Variants in NEBL observed in about 807,000 individuals in gnomAD.
NEBL encodes nebulette.
A neutral mutation model predicts 140.2 loss-of-function variants in NEBL; 122 were observed. The observed-to-expected ratio is 0.87, with a 90% CI of 0.75 to 1.01. The LOEUF (loss-of-function observed/expected upper bound fraction) is 1.01. Ranked by LOEUF, NEBL falls within the 50% of genes least tolerant of loss-of-function variation. The probability of loss-of-function intolerance (pLI) is 0.00; values close to 1 mark genes in which losing one functional copy is unlikely to be tolerated. For synonymous variants in NEBL, 436 were observed against 398.9 expected, an observed-to-expected ratio of 1.09 and a Z score of -1.11; for missense variants, 1,365 against 1,231.3, an observed-to-expected ratio of 1.11 and a Z score of -1.62.
chr10:21,193,035 G>A (rs1307318388), intron 3 of NEBL, among the ~76,000 whole-genome samples: 1 of 152,182 alleles, frequency 6.6e-6, no homozygotes, highest in Non-Finnish European at 1.5e-5. Context: ...GCGATAAGAA[G>A]TTTGCTGGGC....
chr10:20,907,633 T>C (rs1328276177), intron 4 of NEBL, among the ~76,000 whole-genome samples: 2 of 152,198 alleles, frequency 1.3e-5, no homozygotes, highest in Admixed American at 6.5e-5. Flanking sequence ...CACCAGGAAG[T>C]ATATGAGATT....
chr10:20,905,012 T>C (rs1848029369), intron 4 of NEBL, among the ~76,000 whole-genome samples: 1 of 152,236 alleles, frequency 6.6e-6, no homozygotes, highest in Non-Finnish European at 1.5e-5. Flanking sequence ...GGAGAAAAGC[T>C]GTTTTTGTCA....
chr10:21,227,343 C>T (rs923715814), intron 3 of NEBL, among the ~76,000 whole-genome samples: 1 of 152,124 alleles, frequency 6.6e-6, no homozygotes, highest in Non-Finnish European at 1.5e-5. Flanking sequence ...TTAGTGTATA[C>T]CATTTATATA....
rs936146412 is a variant in NEBL, at chr10:20,863,223, C to A, written c.685-3397G>T. 4.6e-5 allele frequency among the ~76,000 whole-genome samples: 7 copies of A among 152,092 alleles called. No homozygotes were observed. The East Asian group carries it at 1.4e-3, about 29-fold the overall frequency. On this transcript the variant is annotated intron_variant, in intron 7 of 27. Transcript: ENST00000377122. ...GAGGATCCAGATCCTCATAACTGCA[C>A]CTGGGTATGTGTGAAGTCTAACACG...
intron 2 of NEBL, among the ~76,000 whole-genome samples, chr10:21,057,542 CTTTTTTTT>C (rs5783764): frequency 1.4e-5 from 1 of 71,728 alleles, no homozygotes; most frequent in Non-Finnish European, 2.3e-5. Context: ...AATGAAATTC[CTTTTTTTT>C]TTTTTTTTTT....
At chr10:20,863,632 GT>G (rs1351561643) in intron 7 of NEBL, among the ~76,000 whole-genome samples, 1 of 152,146 alleles carries the variant, frequency 6.6e-6, no homozygotes. Flanking sequence ...TGCACCAAAT[GT>G]TAATGATCCA....
chr10:20,900,320 A>G (rs1453684778), upstream of NEBL, among the ~76,000 whole-genome samples: 2 of 152,208 alleles, frequency 1.3e-5, no homozygotes, highest in African/African-American at 4.8e-5. Flanking sequence ...CAAATTATTC[A>G]ACCCCTCACT....
intron 4 of NEBL, among the ~76,000 whole-genome samples, chr10:20,885,400 C>T (rs1374343314): frequency 2.6e-5 from 4 of 152,178 alleles, no homozygotes; most frequent in Admixed American, 2.0e-4. Flanking sequence ...TTAATAAGTT[C>T]AGTGACTAAT....
chr10:20,843,658 A>T (rs11012357), intron 12 of NEBL, among the ~76,000 whole-genome samples: 3 of 151,986 alleles, frequency 2.0e-5, no homozygotes, highest in Non-Finnish European at 2.9e-5. Context: ...TCTTCCAAAA[A>T]GCCTTATGGC....
intron 3 of NEBL, among the ~76,000 whole-genome samples, chr10:21,195,927 T>G (rs1841641032): frequency 6.6e-6 from 1 of 152,226 alleles, no homozygotes; most frequent in African/African-American, 2.4e-5. Context: ...AAGCAATTGA[T>G]TATACCAACA....
chr10:21,157,610 T>C (rs11012549), intron 2 of NEBL, among the ~76,000 whole-genome samples: 7,976 of 152,242 alleles, frequency 0.052, 377 homozygotes, highest in East Asian at 0.21. Context: ...ATTTGTTTTA[T>C]AAAATTCTTC....
At chr10:20,878,427 G>C (rs548989450) in intron 5 of NEBL, among the ~76,000 whole-genome samples, 1 of 152,178 alleles carries the variant, frequency 6.6e-6, no homozygotes, top group Non-Finnish European at 1.5e-5. Flanking sequence ...CATTATGAAA[G>C]GGTAATTCCA....
chr10:21,212,611 G>C (rs1258665605), intron 3 of NEBL, among the ~76,000 whole-genome samples: 1 of 152,294 alleles, frequency 6.6e-6, no homozygotes, highest in Non-Finnish European at 1.5e-5. Context: ...CTTCAGCTTT[G>C]CTTAGCTTGT....
intron 2 of NEBL, among the ~76,000 whole-genome samples, chr10:21,059,729 G>C (rs1293637077): frequency 6.6e-6 from 1 of 152,108 alleles, no homozygotes; most frequent in Non-Finnish European, 1.5e-5. Flanking sequence ...TGTAACATTA[G>C]GAAAATTAAA....
At chr10:21,170,301 T>C (rs1329003313) in intron 2 of NEBL, 1 of 152,256 alleles carries the variant, frequency 6.6e-6, no homozygotes, top group Non-Finnish European at 1.5e-5. Flanking sequence ...CCCAAAGGCA[T>C]TGTTATCACT....
intron 2 of NEBL, among the ~76,000 whole-genome samples, chr10:21,063,560 T>A (rs761638147): frequency 2.6e-5 from 4 of 152,218 alleles, no homozygotes; most frequent in Non-Finnish European, 5.9e-5. Context: ...GGTTATATTT[T>A]TCTTCTGATT....
At chr10:20,882,990 G>A (rs192255968) in intron 4 of NEBL, among the ~76,000 whole-genome samples, 18 of 152,276 alleles carry the variant, frequency 1.2e-4, no homozygotes, top group Admixed American at 2.6e-4. Context: ...GAAGACACCC[G>A]TCACTGACTT....
chr10:21,076,296 T>A (rs1836072583), intron 2 of NEBL, among the ~76,000 whole-genome samples: 1 of 151,192 alleles, frequency 6.6e-6, no homozygotes, highest in South Asian at 2.1e-4. Flanking sequence ...TACAAAAAAA[T>A]TAGCCAGGCA....
chr10:21,205,522 C>T (rs922653199), intron 3 of NEBL, among the ~76,000 whole-genome samples: 18 of 152,020 alleles, frequency 1.2e-4, no homozygotes, highest in African/African-American at 4.3e-4. Flanking sequence ...AAAAAATACT[C>T]ATGATGTAAG....
Sources: gnomAD v4.1 joint callset for allele counts (sites outside exome capture counted in the v4.1 genomes callset) on GRCh38, gnomAD v4.1.1 for gene constraint, MANE v1.5 for transcripts, NCBI Gene and HGNC (gene_info 2026-07-23, HGNC 2026-07-21) for gene names.